The following CADM2 variants were observed in gnomAD, a reference collection of about 807,000 sequenced individuals.
CADM2 encodes the protein immunoglobulin superfamily member 4D.
Under a neutral mutation model 49.8 loss-of-function variants are expected in CADM2, and 12 were observed. That is an observed-to-expected ratio of 0.24 (90% CI 0.15 to 0.39). The LOEUF (loss-of-function observed/expected upper bound fraction) is 0.39, where lower values mean the gene tolerates loss of function less well. CADM2 is among the 10% of genes least tolerant of loss of function. CADM2 has a pLI of 1.00. For synonymous variants in CADM2, 214 were observed against 175.4 expected (o/e 1.22, Z -1.74); for missense variants, 378 against 492.3 (o/e 0.77, Z 2.20).
intron 8 of CADM2, among the ~76,000 whole-genome samples, chr3:85,991,026 A>G (rs1728713765): frequency 6.6e-6 from 1 of 152,176 alleles, no homozygotes; most frequent in Non-Finnish European, 1.5e-5. Flanking sequence ...ACAATCTATC[A>G]CCAGAGATGG....
chr3:85,535,254 A>G (rs1039818673), intron 1 of CADM2, among the ~76,000 whole-genome samples: 11 of 152,180 alleles, frequency 7.2e-5, no homozygotes, highest in Admixed American at 6.5e-4. Flanking sequence ...AAACATTACA[A>G]AGAACTGAAG....
intron 1 of CADM2, among the ~76,000 whole-genome samples, chr3:85,553,398 G>T (rs2061866862): frequency 6.6e-6 from 1 of 152,050 alleles, no homozygotes; most frequent in Admixed American, 6.5e-5. Context: ...ATACATAATT[G>T]CTAACTTCTA....
intron 3 of CADM2, among the ~76,000 whole-genome samples, chr3:85,847,175 T>C (rs1301887398): frequency 6.6e-6 from 1 of 152,194 alleles, no homozygotes; most frequent in African/African-American, 2.4e-5. Flanking sequence ...TACTAATTCA[T>C]ACACCTTATG....
At chr3:85,175,732 T>A (rs956199901) in intron 1 of CADM2, among the ~76,000 whole-genome samples, 3 of 152,142 alleles carry the variant, frequency 2.0e-5, no homozygotes, top group African/African-American at 4.8e-5. Context: ...TTAAATGGTT[T>A]AAGTGGTAAA....
rs2040438490 is a variant in CADM2, at chr3:85,508,094, GGAAA to G, written c.62-218422_62-218419del. Among the ~76,000 whole-genome samples the G allele has an allele frequency of 2.0e-5, 3 of 152,076 alleles. No homozygotes were observed. The South Asian group carries it at 6.2e-4, about 32-fold the overall frequency. ...CCAACTGCCTTCAATATATAGATCA[GGAAA>G]GAAAGTACAAAGAGGTGAAATCTTG... On this transcript the variant is annotated intron_variant, in intron 1 of 9. Coordinates refer to ENST00000383699, the MANE Select transcript of CADM2 (RefSeq NM_001167675.2).
At chr3:85,382,053 A>G (rs2033938897) in intron 1 of CADM2, among the ~76,000 whole-genome samples, 1 of 151,964 alleles carries the variant, frequency 6.6e-6, no homozygotes, top group South Asian at 2.1e-4. Flanking sequence ...AAAAGAATCA[A>G]CTCTGAAACA....
At chr3:85,523,188 A>G (rs891789142) in intron 1 of CADM2, among the ~76,000 whole-genome samples, 24 of 152,222 alleles carry the variant, frequency 1.6e-4, no homozygotes, top group African/African-American at 5.8e-4. Flanking sequence ...GAAGCAGAGC[A>G]TCTTGGCAAT....
chr3:85,674,800 GA>G (rs1277500209), intron 1 of CADM2, among the ~76,000 whole-genome samples: 1 of 152,064 alleles, frequency 6.6e-6, no homozygotes, highest in Admixed American at 6.6e-5. Flanking sequence ...CCTTCCTGGT[GA>G]AAAGCAGCTC....
At chr3:85,170,614 T>A (rs2040599304) in intron 1 of CADM2, among the ~76,000 whole-genome samples, 2 of 152,212 alleles carry the variant, frequency 1.3e-5, no homozygotes, top group Non-Finnish European at 2.9e-5. Flanking sequence ...ATTACAAGCA[T>A]GACTCATCGT....
At chr3:85,259,439 T>A (rs1294228468) in intron 1 of CADM2, among the ~76,000 whole-genome samples, 1 of 152,062 alleles carries the variant, frequency 6.6e-6, no homozygotes, top group African/African-American at 2.4e-5. Flanking sequence ...ATAGCAACAC[T>A]AAAATGCAAT....
intron 5 of CADM2, among the ~76,000 whole-genome samples, chr3:85,894,910 T>A (rs1715008774): frequency 6.6e-6 from 1 of 152,196 alleles, no homozygotes. Flanking sequence ...TGTATGGAAA[T>A]GCCTGGATGT....
intron 1 of CADM2, among the ~76,000 whole-genome samples, chr3:85,573,851 GC>G (rs911847987): frequency 3.0e-4 from 45 of 152,130 alleles, no homozygotes; most frequent in African/African-American, 1.0e-3. Context: ...TGACATGTCT[GC>G]CCACAGAGAC....
At chr3:85,650,109 C>T (rs1178341848) in intron 1 of CADM2, among the ~76,000 whole-genome samples, 3 of 152,050 alleles carry the variant, frequency 2.0e-5, no homozygotes, top group Non-Finnish European at 4.4e-5. Flanking sequence ...CTCCAAAAAT[C>T]ATGACGTTCA....
intron 1 of CADM2, among the ~76,000 whole-genome samples, chr3:85,078,013 AGTTTTCAAT>A (rs1242915324): frequency 6.6e-6 from 1 of 152,058 alleles, no homozygotes; most frequent in Admixed American, 6.6e-5. Context: ...CTCCATTGAG[AGTTTTCAAT>A]GTTTAGTTTT....
intron 1 of CADM2, among the ~76,000 whole-genome samples, chr3:85,280,221 T>A (rs1436558210): frequency 6.6e-6 from 1 of 151,758 alleles, no homozygotes; most frequent in Non-Finnish European, 1.5e-5. Context: ...TTCACTCTAT[T>A]TTTATTGTGA....
Position 85,568,463 on chromosome 3 carries a change from C to CATTCTTTCTT in CADM2, c.62-158059_62-158058insATTCTTTCTT, listed in dbSNP as rs1553743627. Among the ~76,000 whole-genome samples the CATTCTTTCTT allele has an allele frequency of 1.5e-3, 20 of 13,192 alleles. 2 individuals are homozygous for CATTCTTTCTT. The highest frequency in any genetic ancestry group is 9.0e-3 in the South Asian group (2 of 222). The allele number at this position is 13,192 out of a possible 152,430, so 8.7% of individuals were successfully genotyped here. On this transcript the variant is annotated intron_variant, in intron 1 of 9. Coordinates refer to ENST00000383699, the MANE Select transcript of CADM2 (RefSeq NM_001167675.2). ...TCTTTCTTTCTTTCTTTCTTTCTTTCTCTTTCTCTCTCTTTCTTTCTTTCT... is the reference window on the plus strand; with the variant it reads ...TCTTTCTTTCTTTCTTTCTTTCTTTCATTCTTTCTTTCTTTCTCTCTCTTTCTTTCTTTCT...
chr3:85,605,986 C>T (rs1302903888), intron 1 of CADM2, among the ~76,000 whole-genome samples: 2 of 151,892 alleles, frequency 1.3e-5, no homozygotes, highest in African/African-American at 4.8e-5. Flanking sequence ...AGCAGATTTG[C>T]CTTCTTTCCT....
At chr3:85,817,280 G>A (rs2073269267) in intron 3 of CADM2, among the ~76,000 whole-genome samples, 1 of 151,986 alleles carries the variant, frequency 6.6e-6, no homozygotes, top group South Asian at 2.1e-4. Flanking sequence ...ATTGCTTTGA[G>A]TTTTCCATAT....
At chr3:85,483,669 T>C (rs773050823) in intron 1 of CADM2, among the ~76,000 whole-genome samples, 20 of 150,294 alleles carry the variant, frequency 1.3e-4, no homozygotes, top group Non-Finnish European at 2.8e-4. Flanking sequence ...ATATTTGATA[T>C]ATATTTTAGG....
Sources: allele counts gnomAD v4.1 joint callset (sites outside exome capture counted in the v4.1 genomes callset), GRCh38; gene constraint gnomAD v4.1.1; transcripts MANE v1.5; gene names NCBI Gene and HGNC (gene_info 2026-07-23, HGNC 2026-07-21).